Variants in SPON1 observed in about 807,000 individuals in gnomAD.
The protein encoded by SPON1 is spondin-1.
In SPON1, 52 loss-of-function variants were observed where a neutral mutation model predicts 111.7. The observed-to-expected ratio is 0.47, with a 90% CI of 0.37 to 0.59. The LOEUF is 0.59. Ranked by LOEUF, SPON1 falls within the 20% of genes least tolerant of loss-of-function variation. The pLI is 0.00. For missense variants in SPON1, 957 were observed against 1,068.5 expected (o/e 0.90, Z 1.46); for synonymous variants, 410 against 395.8 (o/e 1.04, Z -0.43).
chr11:14,230,620 C>T (rs1020631085), intron 6 of SPON1, among the ~76,000 whole-genome samples: 1 of 152,188 alleles, frequency 6.6e-6, no homozygotes, highest in Non-Finnish European at 1.5e-5. Flanking sequence ...TCTAGAGGTC[C>T]GCCCTACTCT....
intron 1 of SPON1, among the ~76,000 whole-genome samples, chr11:13,978,408 A>G (rs995194071): frequency 1.3e-4 from 19 of 151,996 alleles, no homozygotes; most frequent in Admixed American, 1.1e-3. Context: ...TAGCACGTCA[A>G]CTCCGCACTG....
chr11:14,000,106 A>G (rs908807127), intron 2 of SPON1, among the ~76,000 whole-genome samples: 3 of 152,158 alleles, frequency 2.0e-5, no homozygotes, highest in Non-Finnish European at 4.4e-5. Context: ...TATGTTAGAC[A>G]TCTTTTATCC....
rs782073357 is a variant in SPON1, at chr11:14,259,724, TTGGAGGAGGCCACTGGGGACAGGCG to T, written c.1831+30_1831+54del. 6.4e-7 allele frequency: 1 copy of T among 1,561,106 alleles called. No homozygotes were observed. Among genetic ancestry groups the T allele is most frequent in the South Asian group, 1.2e-5 (1 of 83,760 alleles). ...GCCGTGAGTGAGAGCGGGGGTGGAC[TTGGAGGAGGCCACTGGGGACAGGCG>T]TGGAGGGCCATGGCATCCACTATTA... On this transcript the variant is annotated intron_variant, in intron 13 of 15. Transcript: ENST00000576479. The surrounding 1 kb of genome is among the most constrained non-coding windows in gnomAD (Gnocchi z 5.0).
At position 14,233,758 on chromosome 11, in the gene SPON1, C is replaced by CTT. The variant is rs10610600; in HGVS notation, c.826-9554_826-9553dup. Among the ~76,000 whole-genome samples the CTT allele has an allele frequency of 9.2e-3, 893 of 96,782 alleles. 22 individuals are homozygous for CTT. The highest frequency in any genetic ancestry group is 0.021 in the African/African-American group (526 of 24,640). The allele number at this position is 96,782 out of a possible 152,430, so 63.5% of individuals were successfully genotyped here. On this transcript the variant is annotated intron_variant, in intron 6 of 15. Coordinates refer to ENST00000576479, the MANE Select transcript of SPON1 (RefSeq NM_006108.4). The stretch of plus-strand genomic sequence containing the variant: ...GGAGTGTCCAACACTGTTTCTTTTT[C>CTT]TTTTTTTTTTTTTTTTTTTTTGAGA...
Position 14,160,699 on chromosome 11 carries a change from TTATA to T in SPON1, c.825+25137_825+25140del, listed in dbSNP as rs1213703807. Among the ~76,000 whole-genome samples the T allele has an allele frequency of 1.4e-4, 4 of 29,470 alleles. No homozygotes were observed. The East Asian group carries it at 7.9e-3, about 58-fold the overall frequency. The allele number at this position is 29,470 out of a possible 152,430, so 19.3% of individuals were successfully genotyped here. Reference sequence around the variant, plus strand: ...TATATTTATATATATATTTATATATTTATATATATTTATATATATTTATATATTT... The same window carrying T: ...TATATTTATATATATATTTATATATTTATATTTATATATATTTATATATTT... On this transcript the variant is annotated intron_variant, in intron 6 of 15. Coordinates refer to ENST00000576479, the MANE Select transcript of SPON1 (RefSeq NM_006108.4).
chr11:14,111,953 G>A (rs1428073619), intron 5 of SPON1, among the ~76,000 whole-genome samples: 2 of 151,922 alleles, frequency 1.3e-5, no homozygotes, highest in African/African-American at 4.8e-5. Flanking sequence ...TGTGATGTTA[G>A]CTTGAGTTCT....
At chr11:14,073,277 C>T (rs1848891644) in intron 3 of SPON1, among the ~76,000 whole-genome samples, 2 of 152,172 alleles carry the variant, frequency 1.3e-5, no homozygotes, top group Admixed American at 6.5e-5. Context: ...TTGGCATCAC[C>T]ATCATTCCTA....
chr11:14,265,012 A>C (rs1849247110), intron 15 of SPON1, among the ~76,000 whole-genome samples: 1 of 152,160 alleles, frequency 6.6e-6, no homozygotes, highest in Admixed American at 6.5e-5. Flanking sequence ...GATTCTGTGG[A>C]TCAGTGATGT....
intron 3 of SPON1, among the ~76,000 whole-genome samples, chr11:14,056,974 C>T (rs1173150864): frequency 1.3e-5 from 2 of 151,900 alleles, no homozygotes; most frequent in Admixed American, 6.6e-5. Context: ...GCTCTAAATT[C>T]TCATACACTT....
intron 6 of SPON1, among the ~76,000 whole-genome samples, chr11:14,160,495 TTAC>T (rs1847906344): frequency 9.2e-5 from 1 of 10,886 alleles, no homozygotes; most frequent in South Asian, 3.6e-3. Flanking sequence ...ATATATATAT[TTAC>T]ATATATATAT....
At chr11:14,041,317 G>C (rs1554917246) in intron 2 of SPON1, among the ~76,000 whole-genome samples, 1 of 152,130 alleles carries the variant, frequency 6.6e-6, no homozygotes, top group East Asian at 1.9e-4. Context: ...GATGTGCCCA[G>C]TCTGCGTCCT....
intron 8 of SPON1, 144 bp downstream of exon 8, chr11:14,254,873 A>T (rs1365758287): frequency 1.6e-5 from 12 of 770,086 alleles, no homozygotes; most frequent in Non-Finnish European, 2.5e-5. Context: ...GCATCATCAC[A>T]TATGGTGTAA....
At chr11:14,173,899 CG>C (rs199697294) in intron 6 of SPON1, among the ~76,000 whole-genome samples, 26,921 of 152,014 alleles carry the variant, frequency 0.18, 2,494 homozygotes, top group Admixed American at 0.24. Context: ...CAGTTCACCC[CG>C]TAGGGGATGC....
chr11:14,208,899 G>GT (rs1403413268), intron 6 of SPON1, among the ~76,000 whole-genome samples: 1 of 152,050 alleles, frequency 6.6e-6, no homozygotes, highest in Non-Finnish European at 1.5e-5. Context: ...TAGTACTGTA[G>GT]TACTAGTCTT....
intron 6 of SPON1, among the ~76,000 whole-genome samples, chr11:14,169,636 AAC>A (rs2133880799): frequency 6.6e-6 from 1 of 151,786 alleles, no homozygotes; most frequent in Admixed American, 6.6e-5. Flanking sequence ...TTTTAGGTCT[AAC>A]ATGTAAGTCT....
rs550023896 is a variant in SPON1 at position 14,262,961 on chromosome 11, G to A, written c.2246G>A (p.Gly749Glu). Residue 749 changes from glycine to glutamate, a missense_variant, in exon 15 of 16, where the codon GGG becomes GAG. Around this residue, in one of 5 missense-constraint regions of SPON1, gnomAD observed 549 missense variants for 606.2 expected, o/e 0.91. Coordinates refer to ENST00000576479, the MANE Select transcript of SPON1 (RefSeq NM_006108.4). ...RSEQLKEESE[G>E]EQFPGCRMRP... is the part of the protein sequence containing the mutation. ...GAGCAGCTGAAGGAAGAGTCTGAAG[G>A]GGAGCAGTTCCCAGGTATGGCTCCC... 3 of 1,613,368 alleles carry A rather than the reference G, an allele frequency of 1.9e-6. No homozygotes were observed. The highest frequency in any genetic ancestry group is 1.1e-5 in the South Asian group (1 of 91,016).
intron 5 of SPON1, among the ~76,000 whole-genome samples, chr11:14,120,738 A>T (rs1481376172): frequency 6.6e-6 from 1 of 152,178 alleles, no homozygotes; most frequent in African/African-American, 2.4e-5. Context: ...TAAAATATTA[A>T]TATTTAAAAT....
intron 6 of SPON1, among the ~76,000 whole-genome samples, chr11:14,161,525 T>G: frequency 6.6e-6 from 1 of 151,170 alleles, no homozygotes. Flanking sequence ...CCGCGTGTTG[T>G]CCAGGCTGGT....
At position 14,177,805 on chromosome 11, in the gene SPON1, C is replaced by G. The variant is rs564266755; in HGVS notation, c.825+42237C>G. On this transcript the variant is annotated intron_variant, in intron 6 of 15. Transcript: ENST00000576479. Reference sequence around the variant, plus strand: ...TCTCCCAAAGTTAGTTCAGCCTACACCCAGGAATGAACAAGGACAGCCTGA... The same window carrying G: ...TCTCCCAAAGTTAGTTCAGCCTACAGCCAGGAATGAACAAGGACAGCCTGA... 2.0e-5 allele frequency among the ~76,000 whole-genome samples: 3 copies of G among 152,218 alleles called. No homozygotes were observed. The South Asian group carries it at 6.2e-4, about 32-fold the overall frequency.
Sources: gnomAD v4.1 joint callset for allele counts (sites outside exome capture counted in the v4.1 genomes callset) on GRCh38, gnomAD v4.1.1 for gene constraint, gnomAD v4.1.1 regional missense constraint, Gnocchi (gnomAD v3.1) non-coding constraint, MANE v1.5 for transcripts, NCBI Gene and HGNC (gene_info 2026-07-23, HGNC 2026-07-21) for gene names.